Variants in ZBTB20 observed in about 807,000 individuals in gnomAD.
ZBTB20 encodes the protein zinc finger and BTB domain containing 20.
In ZBTB20, 9 loss-of-function variants were observed where a neutral mutation model predicts 56.9. That is an observed-to-expected ratio of 0.16 (90% CI 0.10 to 0.28). ZBTB20 has a LOEUF of 0.28. Ranked by LOEUF, ZBTB20 falls within the 10% of genes least tolerant of loss-of-function variation. The pLI, the probability that ZBTB20 is intolerant of heterozygous loss-of-function variation, is 1.00. For missense variants in ZBTB20, 655 were observed against 1,003.0 expected (o/e 0.65, Z 4.69); for synonymous variants, 417 against 420.7 (o/e 0.99, Z 0.11).
Position 114,337,685 on chromosome 3 carries a change from T to C in ZBTB20, c.*1320A>G, listed in dbSNP as rs2108073717. 1 of 152,092 alleles carries C rather than the reference T, an allele frequency of 6.6e-6. No individual in the cohort carries two copies. The highest frequency in any genetic ancestry group is 1.5e-5 in the Non-Finnish European group (1 of 67,986). The allele number at this position is 152,092 out of a possible 1,614,324, so 9.4% of individuals were successfully genotyped here. ...CAGGCAATACTTAAAATAATAAAAA[T>C]TAAGAAAAATTAAAAAAAATATGAA... On this transcript the variant is annotated 3_prime_UTR_variant, in exon 12 of 12. Coordinates refer to ENST00000675478, the MANE Select transcript of ZBTB20 (RefSeq NM_001348800.3).
intron 2 of ZBTB20, among the ~76,000 whole-genome samples, chr3:115,034,532 GAAAT>G (rs1378010834): frequency 1.3e-5 from 2 of 151,486 alleles, no homozygotes; most frequent in Non-Finnish European, 3.0e-5. Flanking sequence ...ATTAACCAAA[GAAAT>G]AAAATTTTTA....
At chr3:114,527,822 T>C (rs1349095530) in intron 6 of ZBTB20, among the ~76,000 whole-genome samples, 2 of 152,302 alleles carry the variant, frequency 1.3e-5, no homozygotes, top group Non-Finnish European at 2.9e-5. Context: ...CTAAGGCCTA[T>C]GATTAAAAAT....
chr3:114,397,970 A>G, intron 7 of ZBTB20, among the ~76,000 whole-genome samples: 1 of 152,006 alleles, frequency 6.6e-6, no homozygotes, highest in East Asian at 1.9e-4. Flanking sequence ...TTCCATTAAT[A>G]CTCCACATGG....
intron 2 of ZBTB20, among the ~76,000 whole-genome samples, chr3:115,064,116 C>A (rs1332715845): frequency 6.6e-6 from 1 of 152,182 alleles, no homozygotes; most frequent in South Asian, 2.1e-4. Context: ...CCCCTGAAGA[C>A]ATCCCTTTCG....
rs148106710 is a variant in ZBTB20 at position 114,484,991 on chromosome 3, G to A, written c.-255+15361C>T. ...TTGATCTTTTAAATTTGCCAATGCCGATTGTTGAGACAGGAAATAAAGGAT... is the reference window on the plus strand; with the variant it reads ...TTGATCTTTTAAATTTGCCAATGCCAATTGTTGAGACAGGAAATAAAGGAT... On this transcript the variant is annotated intron_variant, in intron 7 of 11. Coordinates refer to ENST00000675478, the MANE Select transcript of ZBTB20 (RefSeq NM_001348800.3). 1.2e-3 allele frequency among the ~76,000 whole-genome samples: 185 copies of A among 152,260 alleles called. 2 individuals are homozygous for A. The East Asian group carries it at 0.022, about 18-fold the overall frequency.
chr3:114,981,011 G>GA (rs1338408937), intron 2 of ZBTB20, among the ~76,000 whole-genome samples: 1 of 151,840 alleles, frequency 6.6e-6, no homozygotes, highest in Non-Finnish European at 1.5e-5. Context: ...CACTTAAAAT[G>GA]AAAAAATTAT....
chr3:114,633,455 T>G (rs1298104047), intron 6 of ZBTB20, among the ~76,000 whole-genome samples: 1 of 152,188 alleles, frequency 6.6e-6, no homozygotes, highest in Non-Finnish European at 1.5e-5. Flanking sequence ...ATGGCTATGC[T>G]GCTGTTTGGA....
chr3:114,824,166 G>T (rs1349142100), intron 4 of ZBTB20, among the ~76,000 whole-genome samples: 1 of 151,972 alleles, frequency 6.6e-6, no homozygotes, highest in Non-Finnish European at 1.5e-5. Flanking sequence ...TGGTTCTGGT[G>T]ATATTTACAA....
At chr3:114,755,010 C>A (rs1423463507) in intron 5 of ZBTB20, among the ~76,000 whole-genome samples, 3 of 152,256 alleles carry the variant, frequency 2.0e-5, no homozygotes, top group Middle Eastern at 3.4e-3. Flanking sequence ...CTAACCTGGG[C>A]AGTTTCCTAA....
intron 5 of ZBTB20, chr3:114,791,624 T>C (rs1177208088): frequency 6.6e-6 from 1 of 152,210 alleles, no homozygotes; most frequent in Non-Finnish European, 1.5e-5. Context: ...CACTTATTGA[T>C]TATCTAACAA....
intron 5 of ZBTB20, among the ~76,000 whole-genome samples, chr3:114,746,105 A>T (rs2067018788): frequency 6.6e-6 from 1 of 152,210 alleles, no homozygotes; most frequent in African/African-American, 2.4e-5. Flanking sequence ...AGAAACAAGG[A>T]CATGCTGATC....
At chr3:114,368,616 T>C (rs189619311) in intron 10 of ZBTB20, among the ~76,000 whole-genome samples, 10 of 152,162 alleles carry the variant, frequency 6.6e-5, no homozygotes, top group Non-Finnish European at 1.5e-4. Flanking sequence ...TAAACCTGTG[T>C]CCCAGAACAA....
intron 6 of ZBTB20, among the ~76,000 whole-genome samples, chr3:114,608,384 C>A (rs973130450): frequency 1.3e-5 from 2 of 152,100 alleles, no homozygotes; most frequent in African/African-American, 4.8e-5. Flanking sequence ...AAGGCCCCTT[C>A]GTGAAAATTT....
At chr3:114,628,194 A>C (rs115722712) in intron 6 of ZBTB20, among the ~76,000 whole-genome samples, 50 of 152,234 alleles carry the variant, frequency 3.3e-4, no homozygotes, top group Non-Finnish European at 6.0e-4. Context: ...CTAATGGAAA[A>C]ATATGTCCTT....
At chr3:115,047,829 A>C (rs2081388857) in intron 2 of ZBTB20, among the ~76,000 whole-genome samples, 1 of 152,184 alleles carries the variant, frequency 6.6e-6, no homozygotes, top group Admixed American at 6.6e-5. Flanking sequence ...CAAGGCCTGC[A>C]TTCCACACAA....
intron 2 of ZBTB20, among the ~76,000 whole-genome samples, chr3:114,984,362 A>C (rs1249141332): frequency 6.6e-6 from 1 of 152,026 alleles, no homozygotes; most frequent in Non-Finnish European, 1.5e-5. Context: ...CCCAGTAACT[A>C]GTCATTTTTT....
intron 2 of ZBTB20, among the ~76,000 whole-genome samples, chr3:115,052,077 G>C (rs2108440357): frequency 6.6e-6 from 1 of 152,094 alleles, no homozygotes; most frequent in South Asian, 2.1e-4. Context: ...CATGAGATTT[G>C]GGTGGGGACA....
At chr3:114,570,012 T>C (rs972043777) in intron 6 of ZBTB20, among the ~76,000 whole-genome samples, 1 of 152,172 alleles carries the variant, frequency 6.6e-6, no homozygotes, top group Non-Finnish European at 1.5e-5. Flanking sequence ...ATGATAATAA[T>C]TTGTGTTGGC....
intron 6 of ZBTB20, among the ~76,000 whole-genome samples, chr3:114,605,758 A>G (rs1352129533): frequency 6.6e-6 from 1 of 152,148 alleles, no homozygotes; most frequent in Non-Finnish European, 1.5e-5. Flanking sequence ...CTTAGCTGAA[A>G]CTTAAAGGAT....
Sources: gnomAD v4.1 joint callset for allele counts (sites outside exome capture counted in the v4.1 genomes callset) on GRCh38, gnomAD v4.1.1 for gene constraint, MANE v1.5 for transcripts, NCBI Gene and HGNC (gene_info 2026-07-23, HGNC 2026-07-21) for gene names.